PEBP4: variants seen among roughly 807,000 people sequenced by gnomAD.
PEBP4 encodes the protein phosphatidylethanolamine-binding protein 4.
A neutral mutation model predicts 23.9 loss-of-function variants in PEBP4; 22 were observed. The ratio of observed to expected loss-of-function variants is 0.92; its 90% CI spans 0.66 to 1.31. PEBP4 has a LOEUF of 1.31. Among genes scored for constraint, PEBP4 ranks in the 40% most tolerant of loss-of-function variants. PEBP4 has a pLI of 0.00. For synonymous variants in PEBP4, 112 were observed against 99.3 expected (o/e 1.13, Z -0.76); for missense variants, 324 against 281.7 (o/e 1.15, Z -1.07).
At chr8:22,858,816 G>A (rs540216150) in intron 3 of PEBP4, among the ~76,000 whole-genome samples, 7 of 152,256 alleles carry the variant, frequency 4.6e-5, no homozygotes, top group East Asian at 1.9e-4. Context: ...GCATGGTAGC[G>A]GGTGCCTGTA....
At chr8:22,900,931 C>T (rs903640037) in intron 3 of PEBP4, among the ~76,000 whole-genome samples, 4 of 152,068 alleles carry the variant, frequency 2.6e-5, no homozygotes, top group African/African-American at 7.2e-5. Flanking sequence ...TTTCCCACAC[C>T]GCCACACATC....
At chr8:22,760,240 G>A (rs1805479499) in intron 4 of PEBP4, among the ~76,000 whole-genome samples, 1 of 152,128 alleles carries the variant, frequency 6.6e-6, no homozygotes, top group African/African-American at 2.4e-5. Flanking sequence ...ACCTGCCCAA[G>A]GTCACCTAGC....
chr8:22,877,640 A>T (rs1383235131), intron 3 of PEBP4, among the ~76,000 whole-genome samples: 1 of 78,402 alleles, frequency 1.3e-5, no homozygotes, highest in Non-Finnish European at 2.7e-5. Flanking sequence ...AGCCACCCTC[A>T]CCCCAGGGGC....
intron 1 of PEBP4, among the ~76,000 whole-genome samples, chr8:22,940,270 A>G (rs1013183290): frequency 6.6e-6 from 1 of 152,208 alleles, no homozygotes; most frequent in Non-Finnish European, 1.5e-5. Flanking sequence ...TGTCAGAAGT[A>G]AGGCCTGCCT....
rs138421431 is a variant in PEBP4 at position 22,771,596 on chromosome 8, C to T, written c.358-44376G>A. 1.7e-3 allele frequency among the ~76,000 whole-genome samples: 256 copies of T among 152,300 alleles called. 1 individual carries two copies. Among genetic ancestry groups the T allele is most frequent in the African/African-American group, 5.7e-3 (238 of 41,552 alleles). ...CAATCATTGGATGGAACTCTGACTC[C>T]GTGCTTGGCACCATTCAGGTAGAAG... is the stretch of plus-strand genomic sequence containing the variant. On this transcript the variant is annotated intron_variant, in intron 4 of 6. Transcript: ENST00000256404.
chr8:22,750,379 C>T (rs540550783), intron 4 of PEBP4, among the ~76,000 whole-genome samples: 23 of 152,306 alleles, frequency 1.5e-4, no homozygotes, highest in African/African-American at 4.1e-4. Context: ...GGATTACAGG[C>T]GTGAGCCACC....
At chr8:22,914,971 A>G (rs1563259621) in intron 3 of PEBP4, among the ~76,000 whole-genome samples, 2 of 152,028 alleles carry the variant, frequency 1.3e-5, no homozygotes, top group Admixed American at 1.3e-4. Context: ...TTTAGTCTCA[A>G]AAGGGTCCTG....
rs1412228522 is a variant in PEBP4, at chr8:22,865,356, GGGCGGTGACGGT to G, written c.259-47633_259-47622del. Among the ~76,000 whole-genome samples, 4 of 61,424 alleles carry G rather than the reference GGGCGGTGACGGT, an allele frequency of 6.5e-5. No individual in the cohort carries two copies. The Admixed American group carries it at 7.7e-4, about 12-fold the overall frequency. The allele number at this position is 61,424 out of a possible 152,430, so 40.3% of individuals were successfully genotyped here. A position where few individuals can be genotyped will look rare whatever the true frequency, so the allele number is the denominator to read the frequency against. ...GCGGCGTCTCCCGCTGCCCACCCAC[GGGCGGTGACGGT>G]GGCGGTGGCGGTGGCGGCGGCGGGA... On this transcript the variant is annotated intron_variant, in intron 3 of 6. Coordinates refer to ENST00000256404, the MANE Select transcript of PEBP4 (RefSeq NM_144962.3). This position sits in a 1 kb window ranked among gnomAD's most constrained non-coding sequence, Gnocchi z 6.9.
chr8:22,893,953 C>A (rs1808545313), intron 3 of PEBP4, among the ~76,000 whole-genome samples: 1 of 152,018 alleles, frequency 6.6e-6, no homozygotes. Context: ...ATCCCAGAAG[C>A]CCAACCAAAG....
intron 3 of PEBP4, among the ~76,000 whole-genome samples, chr8:22,819,896 G>A (rs1289342336): frequency 6.6e-6 from 1 of 152,140 alleles, no homozygotes; most frequent in Non-Finnish European, 1.5e-5. Flanking sequence ...GTGAGCCACC[G>A]CGCCCAGCCC....
At chr8:22,864,720 C>G (rs1301514882) in intron 3 of PEBP4, among the ~76,000 whole-genome samples, 1 of 152,230 alleles carries the variant, frequency 6.6e-6, no homozygotes, top group African/African-American at 2.4e-5. Flanking sequence ...TTGTGTAGCA[C>G]CTTCTCGGCA....
chr8:22,916,553 G>A (rs1304198447), intron 3 of PEBP4, among the ~76,000 whole-genome samples: 1 of 152,172 alleles, frequency 6.6e-6, no homozygotes, highest in Non-Finnish European at 1.5e-5. Flanking sequence ...GGTTCACTAG[G>A]TTTAGCAGCT....
At chr8:22,914,870 C>T (rs1332277548) in intron 3 of PEBP4, among the ~76,000 whole-genome samples, 4 of 152,246 alleles carry the variant, frequency 2.6e-5, no homozygotes, top group Non-Finnish European at 5.9e-5. Flanking sequence ...TTGGTGAAGG[C>T]ACCGTTATTA....
intron 1 of PEBP4, among the ~76,000 whole-genome samples, chr8:22,940,083 T>A (rs986058466): frequency 2.2e-4 from 34 of 152,190 alleles, no homozygotes; most frequent in African/African-American, 8.2e-4. Context: ...CTGGTGGAGG[T>A]GAGAATTGAA....
intron 4 of PEBP4, among the ~76,000 whole-genome samples, chr8:22,773,839 C>A (rs1805763697): frequency 6.6e-6 from 1 of 152,174 alleles, no homozygotes; most frequent in South Asian, 2.1e-4. Context: ...CTCCTCCACC[C>A]TTTTCCATCT....
At chr8:22,836,782 C>T (rs74766224) in intron 3 of PEBP4, among the ~76,000 whole-genome samples, 2,945 of 152,166 alleles carry the variant, frequency 0.019, 34 homozygotes, top group Non-Finnish European at 0.029. Context: ...AAGCTTCATC[C>T]GCAGCCAAGC....
chr8:22,877,309 A>T (rs1457045870), intron 3 of PEBP4, among the ~76,000 whole-genome samples: 1 of 152,118 alleles, frequency 6.6e-6, no homozygotes, highest in Non-Finnish European at 1.5e-5. Context: ...ACGTGTCCTT[A>T]TTGTGAATCA....
At chr8:22,861,586 T>C (rs932162979) in intron 3 of PEBP4, among the ~76,000 whole-genome samples, 32 of 152,194 alleles carry the variant, frequency 2.1e-4, no homozygotes, top group Admixed American at 4.6e-4. Flanking sequence ...AGAGATTACA[T>C]TGAGCAGAAC....
intron 3 of PEBP4, among the ~76,000 whole-genome samples, chr8:22,833,707 G>C (rs546412700): frequency 1.3e-5 from 2 of 152,186 alleles, no homozygotes; most frequent in Non-Finnish European, 2.9e-5. Flanking sequence ...CTTCACGATC[G>C]TGATTAGTGG....
Sources: allele counts gnomAD v4.1 joint callset (sites outside exome capture counted in the v4.1 genomes callset), GRCh38; gene constraint gnomAD v4.1.1; non-coding constraint Gnocchi (gnomAD v3.1); transcripts MANE v1.5; gene names NCBI Gene and HGNC (gene_info 2026-07-23, HGNC 2026-07-21).